Variants in KCNB2 observed in about 807,000 individuals in gnomAD.
KCNB2 encodes potassium voltage-gated channel subfamily B member 2.
In KCNB2, 15 loss-of-function variants were observed where a neutral mutation model predicts 61.5. That is an observed-to-expected ratio of 0.24 (90% CI 0.16 to 0.38). The LOEUF is 0.38. Among genes scored for constraint, KCNB2 ranks in the 10% least tolerant of loss-of-function variants. KCNB2 has a pLI of 1.00. For synonymous variants in KCNB2, 457 were observed against 446.0 expected (o/e 1.02, Z -0.31); for missense variants, 828 against 1,125.2 (o/e 0.74, Z 3.78).
intron 2 of KCNB2, among the ~76,000 whole-genome samples, chr8:72,737,519 T>C (rs1807867305): frequency 6.6e-6 from 1 of 152,226 alleles, no homozygotes; most frequent in East Asian, 1.9e-4. Context: ...GATCCTTCTG[T>C]GATGTTTTCT....
chr8:72,928,259 C>A (rs1806696755), intron 2 of KCNB2, among the ~76,000 whole-genome samples: 1 of 147,670 alleles, frequency 6.8e-6, no homozygotes, highest in East Asian at 2.0e-4. Context: ...GTGACGCAAT[C>A]TCGGCTCACT....
At chr8:72,930,514 T>C (rs1187231357) in intron 2 of KCNB2, among the ~76,000 whole-genome samples, 1 of 152,204 alleles carries the variant, frequency 6.6e-6, no homozygotes, top group Non-Finnish European at 1.5e-5. Context: ...TGGTATTTCA[T>C]TGTGGTTTTG....
At chr8:72,749,081 C>T (rs1323810976) in intron 2 of KCNB2, among the ~76,000 whole-genome samples, 2 of 152,114 alleles carry the variant, frequency 1.3e-5, no homozygotes, top group African/African-American at 2.4e-5. Context: ...TTCTAGTCCA[C>T]TCATAGATTC....
intron 2 of KCNB2, among the ~76,000 whole-genome samples, chr8:72,694,826 G>C (rs966100348): frequency 6.6e-6 from 1 of 151,472 alleles, no homozygotes; most frequent in Non-Finnish European, 1.5e-5. Context: ...AAAACAAACA[G>C]TAATAAATTA....
chr8:72,583,964 A>C (rs1164681719), intron 2 of KCNB2, among the ~76,000 whole-genome samples: 4 of 148,602 alleles, frequency 2.7e-5, no homozygotes, highest in Non-Finnish European at 6.0e-5. Flanking sequence ...AAAAAAAAAA[A>C]ACAAACAAAA....
At chr8:72,789,962 G>A (rs1343898673) in intron 2 of KCNB2, among the ~76,000 whole-genome samples, 5 of 152,014 alleles carry the variant, frequency 3.3e-5, no homozygotes, top group African/African-American at 9.7e-5. Flanking sequence ...GAAATGAATT[G>A]AGTGAGAAGG....
intron 2 of KCNB2, among the ~76,000 whole-genome samples, chr8:72,597,349 A>G (rs55633110): frequency 0.04 from 6,085 of 152,178 alleles, 180 homozygotes; most frequent in Middle Eastern, 0.11. Context: ...TTTCCCTTTT[A>G]TAAATGACAG....
chr8:72,844,577 A>G (rs1809953805), intron 2 of KCNB2, among the ~76,000 whole-genome samples: 1 of 152,158 alleles, frequency 6.6e-6, no homozygotes, highest in African/African-American at 2.4e-5. Context: ...AGGTATACCA[A>G]TCAAATGTAG....
intron 2 of KCNB2, among the ~76,000 whole-genome samples, chr8:72,588,719 C>A (rs1807040405): frequency 6.7e-6 from 1 of 150,262 alleles, no homozygotes; most frequent in Admixed American, 6.8e-5. Flanking sequence ...CATAATGAGA[C>A]CCTGTCTCTA....
At chr8:72,804,554 A>G (rs1305813072) in intron 2 of KCNB2, among the ~76,000 whole-genome samples, 1 of 152,212 alleles carries the variant, frequency 6.6e-6, no homozygotes, top group Non-Finnish European at 1.5e-5. Context: ...TTCCAAATCA[A>G]AAGTTTTAAT....
chr8:72,627,705 G>A (rs560929348), intron 2 of KCNB2, among the ~76,000 whole-genome samples: 133 of 152,208 alleles, frequency 8.7e-4, no homozygotes, highest in Admixed American at 1.8e-3. Flanking sequence ...GCTTTGAGCC[G>A]CACCCATCCA....
intron 2 of KCNB2, among the ~76,000 whole-genome samples, chr8:72,918,754 C>T (rs1395929783): frequency 6.6e-6 from 1 of 152,192 alleles, no homozygotes; most frequent in African/African-American, 2.4e-5. Flanking sequence ...CTCCTAGAGG[C>T]CATTTAATGT....
chr8:72,660,234 T>A (rs1806356814), intron 2 of KCNB2, among the ~76,000 whole-genome samples: 1 of 152,186 alleles, frequency 6.6e-6, no homozygotes, highest in Non-Finnish European at 1.5e-5. Flanking sequence ...GGCTTACTTT[T>A]TTCAAGTGGG....
chr8:72,549,461 CACTT>C (rs1806310696), intron 1 of KCNB2, among the ~76,000 whole-genome samples: 1 of 152,170 alleles, frequency 6.6e-6, no homozygotes, highest in Non-Finnish European at 1.5e-5. Flanking sequence ...GTGACAACAA[CACTT>C]CTGCTTATAT....
chr8:72,675,102 A>G (rs1306690168), intron 2 of KCNB2, among the ~76,000 whole-genome samples: 1 of 152,198 alleles, frequency 6.6e-6, no homozygotes, highest in Admixed American at 6.5e-5. Context: ...GCTACAACAC[A>G]TATTGCAAGA....
chr8:72,593,094 T>C lies in KCNB2; in HGVS notation c.579+24781T>C, dbSNP rs78802251. Among the ~76,000 whole-genome samples, 1,270 of 152,286 alleles carry C rather than the reference T, an allele frequency of 8.3e-3. 13 individuals are homozygous for C. Among genetic ancestry groups the C allele is most frequent in the African/African-American group, 0.029 (1,185 of 41,562 alleles). ...TAAAAGGAAATTTGCTTTGATTACA[T>C]TGAGTATTTGGCATGCCTGATAGTC... On this transcript the variant is annotated intron_variant, in intron 2 of 2. Coordinates refer to ENST00000523207, the MANE Select transcript of KCNB2 (RefSeq NM_004770.3).
intron 2 of KCNB2, among the ~76,000 whole-genome samples, chr8:72,603,515 C>T (rs931056697): frequency 6.6e-6 from 1 of 152,186 alleles, no homozygotes; most frequent in African/African-American, 2.4e-5. Flanking sequence ...TAACACTGTG[C>T]TTACACTGTC....
rs534730817 is a variant in KCNB2, at chr8:72,808,691, T to C, written c.580-127244T>C. ...AGGATTAGATCATTTAGTAAGAAAA[T>C]AGACAAAGATCCCATGTACTTGACA... On this transcript the variant is annotated intron_variant, in intron 2 of 2. Coordinates refer to ENST00000523207, the MANE Select transcript of KCNB2 (RefSeq NM_004770.3). Among the ~76,000 whole-genome samples, 4 of 152,220 alleles carry C rather than the reference T, an allele frequency of 2.6e-5. No homozygotes were observed. In the South Asian group the frequency reaches 6.2e-4, roughly 24 times the overall value.
At chr8:72,682,123 ATACG>A (rs1226081900) in intron 2 of KCNB2, among the ~76,000 whole-genome samples, 4 of 152,208 alleles carry the variant, frequency 2.6e-5, no homozygotes, top group South Asian at 4.1e-4. Context: ...CTGTCTGATT[ATACG>A]ATTTGTATGT....
Sources: gnomAD v4.1 joint callset for allele counts (sites outside exome capture counted in the v4.1 genomes callset) on GRCh38, gnomAD v4.1.1 for gene constraint, MANE v1.5 for transcripts, NCBI Gene and HGNC (gene_info 2026-07-23, HGNC 2026-07-21) for gene names.